The following LRRTM4 variants were observed in gnomAD, a reference collection of about 807,000 sequenced individuals.
LRRTM4 encodes leucine-rich repeat transmembrane neuronal protein 4.
Under a neutral mutation model 47.6 loss-of-function variants are expected in LRRTM4, and 25 were observed. The observed-to-expected ratio is 0.53, with a 90% CI of 0.38 to 0.73. LRRTM4 has a LOEUF of 0.73. Among genes scored for constraint, LRRTM4 ranks in the 30% least tolerant of loss-of-function variants. LRRTM4 has a pLI of 0.00. For synonymous variants in LRRTM4, 311 were observed against 269.5 expected, an observed-to-expected ratio of 1.15 and a Z score of -1.51; for missense variants, 638 against 713.4, an observed-to-expected ratio of 0.89 and a Z score of 1.20.
At chr2:77,459,181 T>C (rs1307445109) in intron 3 of LRRTM4, among the ~76,000 whole-genome samples, 4 of 152,164 alleles carry the variant, frequency 2.6e-5, no homozygotes, top group Admixed American at 6.6e-5. Flanking sequence ...CTATTATTTA[T>C]CTCCTCAAAA....
chr2:77,334,578 C>T (rs1274502395), intron 3 of LRRTM4, among the ~76,000 whole-genome samples: 1 of 152,190 alleles, frequency 6.6e-6, no homozygotes, highest in African/African-American at 2.4e-5. Flanking sequence ...TGCCTTTCAC[C>T]TTCCACCATT....
chr2:77,475,507 T>C (rs1677352098), intron 3 of LRRTM4, among the ~76,000 whole-genome samples: 3 of 152,082 alleles, frequency 2.0e-5, no homozygotes, highest in African/African-American at 7.2e-5. Flanking sequence ...TATAGTGATC[T>C]CAAATAAAAT....
intron 3 of LRRTM4, among the ~76,000 whole-genome samples, chr2:77,177,371 T>G (rs1003629621): frequency 6.6e-6 from 1 of 152,162 alleles, no homozygotes; most frequent in Non-Finnish European, 1.5e-5. Flanking sequence ...TCTTAGAATG[T>G]GTCTTAGGAC....
intron 3 of LRRTM4, among the ~76,000 whole-genome samples, chr2:77,276,339 A>G (rs1466473201): frequency 7.1e-6 from 1 of 141,444 alleles, no homozygotes; most frequent in Non-Finnish European, 1.5e-5. Context: ...GAAGGAAGGA[A>G]GGAAGGAAAA....
intron 3 of LRRTM4, among the ~76,000 whole-genome samples, chr2:77,394,919 CAG>C (rs1288013711): frequency 1.3e-5 from 2 of 151,812 alleles, no homozygotes; most frequent in East Asian, 3.9e-4. Flanking sequence ...GCTTGTGGAA[CAG>C]GGGGTGGAGG....
At chr2:77,016,822 C>T (rs1274699786) in intron 3 of LRRTM4, among the ~76,000 whole-genome samples, 1 of 151,902 alleles carries the variant, frequency 6.6e-6, no homozygotes, top group Non-Finnish European at 1.5e-5. Context: ...CCTCTGGCTG[C>T]AGAAACTGAT....
At chr2:77,451,692 C>CAACTAACT (rs1676260713) in intron 3 of LRRTM4, among the ~76,000 whole-genome samples, 1 of 152,030 alleles carries the variant, frequency 6.6e-6, no homozygotes, top group Admixed American at 6.6e-5. Context: ...TAGGTGAAAA[C>CAACTAACT]AACTAACTTA....
intron 3 of LRRTM4, among the ~76,000 whole-genome samples, chr2:77,444,975 C>CA (rs1675994104): frequency 5.1e-5 from 5 of 97,632 alleles, no homozygotes; most frequent in African/African-American, 2.3e-4. Context: ...ACACACGATC[C>CA]GGAAAAAAAA....
intron 3 of LRRTM4, among the ~76,000 whole-genome samples, chr2:77,204,232 G>C (rs1674058251): frequency 6.6e-6 from 1 of 152,102 alleles, no homozygotes; most frequent in Non-Finnish European, 1.5e-5. Flanking sequence ...GAAATACTGT[G>C]AGCTTCACTT....
intron 3 of LRRTM4, among the ~76,000 whole-genome samples, chr2:76,820,149 T>A (rs1168121615): frequency 6.6e-6 from 1 of 151,942 alleles, no homozygotes; most frequent in Non-Finnish European, 1.5e-5. Flanking sequence ...GCAACTATGA[T>A]GAAATTGTTA....
intron 3 of LRRTM4, among the ~76,000 whole-genome samples, chr2:77,287,631 T>G (rs1466144213): frequency 6.6e-6 from 1 of 152,162 alleles, no homozygotes; most frequent in East Asian, 1.9e-4. Context: ...CTCTATCCAG[T>G]GCAGGACATG....
chr2:77,015,928 C>T (rs1249548494), intron 3 of LRRTM4, among the ~76,000 whole-genome samples: 1 of 151,884 alleles, frequency 6.6e-6, no homozygotes, highest in Non-Finnish European at 1.5e-5. Flanking sequence ...ACCAGCCTGG[C>T]CAACATAGCG....
intron 3 of LRRTM4, among the ~76,000 whole-genome samples, chr2:77,159,199 A>G (rs995377933): frequency 6.6e-6 from 1 of 152,216 alleles, no homozygotes; most frequent in African/African-American, 2.4e-5. Flanking sequence ...AATGTATTCA[A>G]AAATCCATGA....
intron 3 of LRRTM4, among the ~76,000 whole-genome samples, chr2:77,453,676 A>C (rs2103956837): frequency 6.6e-6 from 1 of 151,994 alleles, no homozygotes; most frequent in Non-Finnish European, 1.5e-5. Context: ...TATATTTTCC[A>C]TTTTTTAGCT....
chr2:77,030,259 T>A (rs1678607423), intron 3 of LRRTM4, among the ~76,000 whole-genome samples: 1 of 152,014 alleles, frequency 6.6e-6, no homozygotes, highest in East Asian at 1.9e-4. Flanking sequence ...AGTGAAACCC[T>A]GTCTCTACTA....
chr2:77,452,246 T>A (rs966024722), intron 3 of LRRTM4, among the ~76,000 whole-genome samples: 1 of 152,160 alleles, frequency 6.6e-6, no homozygotes, highest in Non-Finnish European at 1.5e-5. Flanking sequence ...GTTATTGCAG[T>A]GGACTACGCA....
At chr2:77,322,953 C>A (rs1425513173) in intron 3 of LRRTM4, among the ~76,000 whole-genome samples, 5 of 151,542 alleles carry the variant, frequency 3.3e-5, no homozygotes, top group Admixed American at 3.3e-4. Flanking sequence ...AAAAACACTA[C>A]AATAGTAATA....
At chr2:77,020,236 C>G (rs1489000009) in intron 3 of LRRTM4, among the ~76,000 whole-genome samples, 1 of 151,888 alleles carries the variant, frequency 6.6e-6, no homozygotes, top group East Asian at 1.9e-4. Flanking sequence ...AAATAAAAAC[C>G]TTAATATTCT....
At chr2:77,048,622 TTTC>T (rs1377874664) in intron 3 of LRRTM4, among the ~76,000 whole-genome samples, 2 of 151,988 alleles carry the variant, frequency 1.3e-5, no homozygotes, top group Admixed American at 6.6e-5. Context: ...AGTTTGAATT[TTTC>T]TTATTATTAT....
Sources: gnomAD v4.1 joint callset for allele counts (sites outside exome capture counted in the v4.1 genomes callset) on GRCh38, gnomAD v4.1.1 for gene constraint, MANE v1.5 for transcripts, NCBI Gene and HGNC (gene_info 2026-07-23, HGNC 2026-07-21) for gene names.